Variants in RPL13 observed in about 807,000 individuals in gnomAD.
The protein encoded by RPL13 is large ribosomal subunit protein eL13.
Under a neutral mutation model 21.4 loss-of-function variants are expected in RPL13, and 1 was observed. That is an observed-to-expected ratio of 0.05 (90% CI 0.02 to 0.22). RPL13 has a LOEUF of 0.22. Ranked by LOEUF, RPL13 falls within the 10% of genes least tolerant of loss-of-function variation. The probability of loss-of-function intolerance (pLI) is 1.00; values close to 1 mark genes in which losing one functional copy is unlikely to be tolerated. For synonymous variants in RPL13, 143 were observed against 120.5 expected (o/e 1.19, Z -1.23); for missense variants, 289 against 303.0 (o/e 0.95, Z 0.34).
chr16:89,563,249 T>C lies in RPL13; in HGVS notation c.*207T>C. Reference sequence around the variant, plus strand: ...CACTGTTGGTTGTTTGGTTAGTGACTGATGTAAAACGGTTTTCTTGTGGGG... The same window carrying C: ...CACTGTTGGTTGTTTGGTTAGTGACCGATGTAAAACGGTTTTCTTGTGGGG... On this transcript the variant is annotated 3_prime_UTR_variant, in exon 6 of 6. Coordinates refer to ENST00000311528, the MANE Select transcript of RPL13 (RefSeq NM_000977.4). 2.3e-6 allele frequency: 1 copy of C among 435,286 alleles called. No individual in the cohort carries two copies. The highest frequency in any genetic ancestry group is 3.9e-6 in the Non-Finnish European group (1 of 255,000). 27.0% of individuals were successfully genotyped at this position (435,286 alleles called of 1,614,324 possible).
Position 89,561,555 on chromosome 16 carries a change from ATC to A in RPL13, c.247-15_247-14del, listed in dbSNP as rs753495582. On this transcript the variant is annotated intron_variant, in intron 3 of 5. Transcript: ENST00000311528. ...CTGGAGAAAGCCCGGGCCTGTCTCC[ATC>A]TCTCTCTGGTTCTGGGGCAGGTGGC... 6.9e-5 allele frequency: 111 copies of A among 1,613,300 alleles called. 2 individuals carry two copies. The highest frequency in any genetic ancestry group is 4.8e-4 in the Admixed American group (29 of 60,012).
At chr16:89,561,803 G>A (rs931817006) in intron 4 of RPL13, 52 bp downstream of exon 4, 2 of 1,584,596 alleles carry the variant, frequency 1.3e-6, no homozygotes, top group Non-Finnish European at 8.6e-7. Flanking sequence ...GTGAGGCTTG[G>A]CTCCTTTATC....
Position 89,561,629 on chromosome 16 carries a change from C to A in RPL13, c.298C>A (p.Pro100Thr). The A allele has an allele frequency of 6.2e-7, 1 of 1,613,790 alleles. No individual in the cohort carries two copies. Among genetic ancestry groups the A allele is most frequent in the Non-Finnish European group, 8.5e-7 (1 of 1,180,042 alleles). Residue 100 changes from proline (P) to threonine (T), a missense_variant, in exon 4 of 6, where the codon CCG becomes ACG. By Grantham distance (38) the Pro-to-Thr change is conservative. Coordinates refer to ENST00000311528, the MANE Select transcript of RPL13 (RefSeq NM_000977.4). ...VARTIGISVD[P>T]RRRNKSTESL... is the part of the protein sequence containing the mutation. ...CCGGACCATCGGCATTTCTGTGGAT[C>A]CGAGGAGGCGGAACAAGTCCACGGA...
At position 89,563,309 on chromosome 16, in the gene RPL13, T is replaced by G. The variant is rs144981608; in HGVS notation, c.*267T>G. The G allele has an allele frequency of 5.4e-4, 144 of 266,006 alleles. No individual in the cohort carries two copies. Among genetic ancestry groups the G allele is most frequent in the Middle Eastern group, 4.3e-3 (4 of 926 alleles). The allele number at this position is 266,006 out of a possible 1,614,324, so 16.5% of individuals were successfully genotyped here. On this transcript the variant is annotated 3_prime_UTR_variant, in exon 6 of 6. Coordinates refer to ENST00000311528, the MANE Select transcript of RPL13 (RefSeq NM_000977.4). ...AGGCTGACTTCAGAGTGGACTTGTG[T>G]TTTTTCTTTTTAAAGAGGCAAGGTT...
At position 89,561,563 on chromosome 16, in the gene RPL13, C is replaced by G. The variant is rs1044392998; in HGVS notation, c.247-15C>G. ...AGCCCGGGCCTGTCTCCATCTCTCT[C>G]TGGTTCTGGGGCAGGTGGCCGGCAT... On this transcript the variant is annotated splice_polypyrimidine_tract_variant and intron_variant, in intron 3 of 5. Coordinates refer to ENST00000311528, the MANE Select transcript of RPL13 (RefSeq NM_000977.4). 2 of 1,613,440 alleles carry G rather than the reference C, an allele frequency of 1.2e-6. No individual in the cohort carries two copies. Among genetic ancestry groups the G allele is most frequent in the Non-Finnish European group, 1.7e-6 (2 of 1,180,046 alleles).
chr16:89,560,833 G>C, intron 1 of RPL13, 107 bp from the exon 2 acceptor site: 3 of 683,914 alleles, frequency 4.4e-6, no homozygotes, highest in Non-Finnish European at 4.6e-6. Flanking sequence ...CGCTGCCCGG[G>C]CTCTAGGCGC....
intron 3 of RPL13, 73 bp from the exon 4 acceptor site, chr16:89,561,503 CTG>C: frequency 6.2e-7 from 1 of 1,612,352 alleles, no homozygotes; most frequent in Non-Finnish European, 8.5e-7. Flanking sequence ...CATCTGATTG[CTG>C]AGGCTTTTCA....
chr16:89,562,686 A>C (rs117408497), intron 5 of RPL13, 198 bp from the exon 6 acceptor site: 8 of 588,828 alleles, frequency 1.4e-5, no homozygotes, highest in Admixed American at 3.9e-5. Flanking sequence ...TTGAGCCGCC[A>C]TGTCCAGCTC....
In RPL13 at chr16:89,561,382, G is replaced by T. The variant is rs1395562359; in HGVS notation, c.246+14G>T. On this transcript the variant is annotated intron_variant, in intron 3 of 5. Coordinates refer to ENST00000311528, the MANE Select transcript of RPL13 (RefSeq NM_000977.4). ...GAGGAGCTCAGGGTGAGTACTGGCA[G>T]CGCTGCGGTGTCAGGAAGGCCCCGA... The T allele has an allele frequency of 1.9e-6, 3 of 1,609,974 alleles. No individual in the cohort carries two copies. The highest frequency in any genetic ancestry group is 1.7e-6 in the Non-Finnish European group (2 of 1,179,956).
chr16:89,561,858 A>G, intron 4 of RPL13, 107 bp downstream of exon 4: 1 of 1,222,154 alleles, frequency 8.2e-7, no homozygotes, highest in Non-Finnish European at 1.1e-6. Context: ...AAGAACCAAA[A>G]CATTGTGGGT....
chr16:89,566,371 C>CTAAAGGG (rs2058791481), downstream of RPL13: 1 of 152,236 alleles, frequency 6.6e-6, no homozygotes, highest in Non-Finnish European at 1.5e-5. Flanking sequence ...CTGGCCCGAG[C>CTAAAGGG]TAAAGGGGAA....
downstream of RPL13, chr16:89,565,568 T>A (rs909100816): frequency 6.6e-6 from 1 of 152,332 alleles, no homozygotes; most frequent in Non-Finnish European, 1.5e-5. Flanking sequence ...ACCGCCTGAT[T>A]CAGCACCTGT....
intron 4 of RPL13, 34 bp downstream of exon 4, chr16:89,561,785 CG>C (rs1368145916): frequency 6.2e-7 from 1 of 1,601,430 alleles, no homozygotes; most frequent in Non-Finnish European, 8.5e-7. Flanking sequence ...TCCTGGTGCG[CG>C]GGGACAGTGA....
intron 4 of RPL13, 186 bp downstream of exon 4, chr16:89,561,937 A>T: frequency 1.4e-6 from 1 of 700,736 alleles, no homozygotes; most frequent in South Asian, 2.0e-5. Flanking sequence ...TGGACATGGC[A>T]AGGCTGTGTG....
downstream of RPL13, chr16:89,566,672 A>G (rs2058794145): frequency 6.6e-6 from 1 of 151,958 alleles, no homozygotes; most frequent in Non-Finnish European, 1.5e-5. Flanking sequence ...TCAGGAAAAA[A>G]AAAAACAAAA....
chr16:89,562,606 TTTTG>T, intron 5 of RPL13: 1 of 595,060 alleles, frequency 1.7e-6, no homozygotes. Context: ...TTTTGTGTTT[TTTTG>T]TTGTTGTTGG....
In RPL13 at chr16:89,563,093, T is replaced by C. The variant is rs372750526; in HGVS notation, c.*51T>C. The C allele has an allele frequency of 2.5e-5, 35 of 1,423,270 alleles. No homozygotes were observed. Among genetic ancestry groups the C allele is most frequent in the South Asian group, 4.7e-5 (3 of 64,246 alleles). 88.2% of individuals were successfully genotyped at this position (1,423,270 alleles called of 1,614,324 possible). A position where few individuals can be genotyped will look rare whatever the true frequency, so the allele number is the denominator to read the frequency against. On this transcript the variant is annotated 3_prime_UTR_variant, in exon 6 of 6. Coordinates refer to ENST00000311528, the MANE Select transcript of RPL13 (RefSeq NM_000977.4). ...TCGGCAGTCATGCTGGGTCTCCACGTGGTGTGTTTCGTGGGAACAACTGGG... is the reference window on the plus strand; with the variant it reads ...TCGGCAGTCATGCTGGGTCTCCACGCGGTGTGTTTCGTGGGAACAACTGGG...
intron 5 of RPL13, chr16:89,562,674 G>A: frequency 1.7e-6 from 1 of 581,548 alleles, no homozygotes; most frequent in South Asian, 2.6e-5. Flanking sequence ...GGGTTTACAG[G>A]CTTGAGCCGC....
chr16:89,564,154 C>T lies in RPL13; in HGVS notation c.*1112C>T, dbSNP rs750095831. ...AGAGAAGCAGCTTCAGGGACCGAGTCAGATTCTGTTTTGTCTACATGCCTC... is the reference window on the plus strand; with the variant it reads ...AGAGAAGCAGCTTCAGGGACCGAGTTAGATTCTGTTTTGTCTACATGCCTC... On this transcript the variant is annotated 3_prime_UTR_variant, in exon 6 of 6. Transcript: ENST00000311528. The T allele has an allele frequency of 1.3e-5, 2 of 152,192 alleles. No homozygotes were observed. The highest frequency in any genetic ancestry group is 2.9e-5 in the Non-Finnish European group (2 of 68,084). 9.4% of individuals were successfully genotyped at this position (152,192 alleles called of 1,614,324 possible).
Sources: allele counts gnomAD v4.1 joint callset, GRCh38; gene constraint gnomAD v4.1.1; transcripts MANE v1.5; gene names NCBI Gene and HGNC (gene_info 2026-07-23, HGNC 2026-07-21).